Variants in CHD9 observed in about 807,000 individuals in gnomAD.
CHD9 encodes chromodomain helicase DNA binding protein 9, also known as ATP-dependent chromatin remodeler CHD9.
CHD9 carries 77 observed loss-of-function variants against 316.1 expected under a neutral mutation model. The observed-to-expected ratio is 0.24, with a 90% confidence interval of 0.20 to 0.29. CHD9 has a LOEUF of 0.29. Among genes scored for constraint, CHD9 ranks in the 10% least tolerant of loss-of-function variants. The pLI is 1.00. For synonymous variants in CHD9, 1,129 were observed against 1,158.3 expected (o/e 0.97, Z 0.51); for missense variants, 2,763 against 3,438.1 (o/e 0.80, Z 4.91).
In CHD9 at chr16:53,323,989, G is replaced by T. The variant is rs77068971; in HGVS notation, c.7819-31G>T. On this transcript the variant is annotated intron_variant, in intron 38 of 38. Coordinates refer to ENST00000447540, the MANE Select transcript of CHD9 (RefSeq NM_001308319.2). ...TAACTCTTTATTTTATTTTCATGTA[G>T]GGATTATTAATGAATATATATTTCT... is the stretch of plus-strand genomic sequence containing the variant. 311 of 1,519,186 alleles carry T rather than the reference G, an allele frequency of 2.0e-4. 2 individuals are homozygous for T. In the East Asian group the frequency reaches 6.9e-3, roughly 34 times the overall value. The allele number at this position is 1,519,186 out of a possible 1,614,324, so 94.1% of individuals were successfully genotyped here. A position where few individuals can be genotyped will look rare whatever the true frequency, so the allele number is the denominator to read the frequency against.
chr16:53,197,309 A>C (rs1597387030), intron 2 of CHD9, among the ~76,000 whole-genome samples: 1 of 152,322 alleles, frequency 6.6e-6, no homozygotes. Flanking sequence ...CACAAATGTT[A>C]ATTTTCATAT....
At position 53,315,065 on chromosome 16, in the gene CHD9, CTTG is replaced by C. The variant is rs772041723; in HGVS notation, c.7584+24_7584+26del. On this transcript the variant is annotated intron_variant, in intron 36 of 38. Coordinates refer to ENST00000447540, the MANE Select transcript of CHD9 (RefSeq NM_001308319.2). ...TTCCTGTAGGTGACACCTTAAAATT[CTTG>C]TTATATTTTATTTTTATGAGTTGTC... The C allele has an allele frequency of 3.9e-6, 6 of 1,539,836 alleles. No homozygotes were observed. In the African/African-American group the frequency reaches 8.3e-5, roughly 21 times the overall value.
intron 1 of CHD9, among the ~76,000 whole-genome samples, chr16:53,100,527 T>C (rs1046077172): frequency 1.4e-5 from 2 of 147,104 alleles, no homozygotes; most frequent in African/African-American, 4.9e-5. Flanking sequence ...TGGCTGATCA[T>C]AGCTCAGTGA....
At chr16:53,153,274 T>C (rs1468269697) in intron 1 of CHD9, among the ~76,000 whole-genome samples, 1 of 151,988 alleles carries the variant, frequency 6.6e-6, no homozygotes, top group Non-Finnish European at 1.5e-5. Flanking sequence ...GGATAATAAA[T>C]GGGATCAAGA....
chr16:53,157,121 T>A lies in CHD9; in HGVS notation c.1032T>A (p.His344Gln). 1 of 1,610,954 alleles carries A rather than the reference T, an allele frequency of 6.2e-7. No individual in the cohort carries two copies. Among genetic ancestry groups the A allele is most frequent in the Non-Finnish European group, 8.5e-7 (1 of 1,178,140 alleles). ...SNNFQILHSS[H>Q]PQGNYSNSKL... ...ATTTCCAAATATTGCATTCATCACATCCTCAGGGTAATTATAGCAATTCAA... is the reference window on the plus strand; with the variant it reads ...ATTTCCAAATATTGCATTCATCACAACCTCAGGGTAATTATAGCAATTCAA... The change falls in exon 2 of 39, where the codon CAT becomes CAA. Residue 344 changes from histidine (H) to glutamine (Q), a missense_variant. By Grantham distance (24) the His-to-Gln change is conservative. This residue lies in a region of CHD9 where 859 missense variants were observed against 890.4 expected (regional missense o/e 0.96). Coordinates refer to ENST00000447540, the MANE Select transcript of CHD9 (RefSeq NM_001308319.2).
chr16:53,238,689 T>C (rs536287610), intron 12 of CHD9, 103 bp downstream of exon 12: 15 of 1,135,734 alleles, frequency 1.3e-5, no homozygotes, highest in Admixed American at 6.8e-5. Context: ...TTTAATTGCC[T>C]ACCTAGATCT....
chr16:53,182,022 T>G (rs771356786), intron 2 of CHD9, among the ~76,000 whole-genome samples: 1 of 152,070 alleles, frequency 6.6e-6, no homozygotes, highest in Non-Finnish European at 1.5e-5. Context: ...GAGGTTGCAG[T>G]GAGCCGAGAG....
At chr16:53,251,425 C>T (rs979919693) in intron 17 of CHD9, among the ~76,000 whole-genome samples, 1 of 152,164 alleles carries the variant, frequency 6.6e-6, no homozygotes, top group Non-Finnish European at 1.5e-5. Flanking sequence ...TCCTATTTGA[C>T]TGCTAATGTA....
chr16:53,072,884 G>A (rs8057504), intron 1 of CHD9, among the ~76,000 whole-genome samples: 93,990 of 151,552 alleles, frequency 0.62, 29,748 homozygotes, highest in Non-Finnish European at 0.67. Context: ...TAGTAGAGAC[G>A]TGGTTTCACC....
At chr16:53,308,467 G>A (rs2056184118) in intron 33 of CHD9, among the ~76,000 whole-genome samples, 1 of 152,086 alleles carries the variant, frequency 6.6e-6, no homozygotes, top group South Asian at 2.1e-4. Context: ...AGTGTGTAGA[G>A]TACTTGTATT....
At chr16:53,088,250 C>T (rs2035633627) in intron 1 of CHD9, among the ~76,000 whole-genome samples, 1 of 149,086 alleles carries the variant, frequency 6.7e-6, no homozygotes, top group Admixed American at 6.7e-5. Flanking sequence ...GAAACAATCA[C>T]TGTAATCAAG....
intron 1 of CHD9, among the ~76,000 whole-genome samples, chr16:53,113,653 T>C (rs936908322): frequency 2.6e-5 from 4 of 151,994 alleles, no homozygotes; most frequent in African/African-American, 4.8e-5. Flanking sequence ...TGGTTTCCAG[T>C]TGACTTCCAG....
At chr16:53,134,340 A>G (rs1021053038) in intron 1 of CHD9, among the ~76,000 whole-genome samples, 2 of 152,194 alleles carry the variant, frequency 1.3e-5, no homozygotes, top group African/African-American at 4.8e-5. Context: ...CGTGGGATAT[A>G]GATTTCTTAT....
intron 37 of CHD9, chr16:53,319,863 C>G: frequency 8.1e-7 from 1 of 1,241,620 alleles, no homozygotes; most frequent in Non-Finnish European, 1.0e-6. Context: ...GCTAAATCCC[C>G]ATAAACCCCC....
chr16:53,300,549 G>A (rs1337291786), intron 30 of CHD9, among the ~76,000 whole-genome samples: 2 of 152,164 alleles, frequency 1.3e-5, no homozygotes, highest in Non-Finnish European at 2.9e-5. Context: ...CTAGAAGGTG[G>A]CATGGCTTTA....
At position 53,156,614 on chromosome 16, in the gene CHD9, T is replaced by C. The variant is rs745496120; in HGVS notation, c.525T>C (p.Thr175=). The C allele has an allele frequency of 7.4e-6, 12 of 1,613,984 alleles. No homozygotes were observed. The East Asian group carries it at 2.5e-4, about 33-fold the overall frequency. The change falls in exon 2 of 39, where the codon ACT becomes ACC. Residue 175 remains threonine, a synonymous_variant. Coordinates refer to ENST00000447540, the MANE Select transcript of CHD9 (RefSeq NM_001308319.2). Reference sequence around the variant, plus strand: ...CCAATGAACAACAAACACAGTGTACTTCACTACGCTCACAACAAAACAGAA... The same window carrying C: ...CCAATGAACAACAAACACAGTGTACCTCACTACGCTCACAACAAAACAGAA... ...FQANEQQTQC[T]SLRSQQNRNN...
chr16:53,195,123 T>C (rs992627933), intron 2 of CHD9, among the ~76,000 whole-genome samples: 5 of 152,202 alleles, frequency 3.3e-5, no homozygotes. Flanking sequence ...ATTTGATCAA[T>C]TTTCAGACAT....
chr16:53,104,466 A>G (rs1250394908), intron 1 of CHD9, among the ~76,000 whole-genome samples: 1 of 152,178 alleles, frequency 6.6e-6, no homozygotes, highest in African/African-American at 2.4e-5. Flanking sequence ...TTATTTTGTT[A>G]AATTATTTTT....
chr16:53,255,877 T>C, intron 19 of CHD9, 98 bp downstream of exon 19: 2 of 1,135,072 alleles, frequency 1.8e-6, no homozygotes, highest in Non-Finnish European at 2.5e-6. Context: ...TTAAACATAC[T>C]GAATTAGCCA....
Sources: allele counts gnomAD v4.1 joint callset (sites outside exome capture counted in the v4.1 genomes callset), GRCh38; gene constraint gnomAD v4.1.1; regional missense constraint gnomAD v4.1.1; transcripts MANE v1.5; gene names NCBI Gene and HGNC (gene_info 2026-07-23, HGNC 2026-07-21).